Variants in CTNNA2 observed in about 807,000 individuals in gnomAD.
CTNNA2 encodes catenin alpha-2.
CTNNA2 carries 42 observed loss-of-function variants against 101.0 expected under a neutral mutation model. The ratio of observed to expected loss-of-function variants is 0.42; its 90% confidence interval spans 0.32 to 0.54. The LOEUF is 0.54. CTNNA2 is among the 20% of genes least tolerant of loss of function. The probability of loss-of-function intolerance (pLI) is 0.14; values close to 1 mark genes in which losing one functional copy is unlikely to be tolerated. For missense variants in CTNNA2, 871 were observed against 1,223.1 expected, an observed-to-expected ratio of 0.71 and a Z score of 4.29; for synonymous variants, 450 against 456.4, an observed-to-expected ratio of 0.99 and a Z score of 0.18.
At chr2:79,396,828 A>G (rs986877654) in intron 4 of CTNNA2, among the ~76,000 whole-genome samples, 1 of 152,172 alleles carries the variant, frequency 6.6e-6, no homozygotes, top group Non-Finnish European at 1.5e-5. Flanking sequence ...AAAAAATAAC[A>G]ATCTCTTTCC....
chr2:79,244,911 A>G (rs1026375142), intron 2 of CTNNA2, among the ~76,000 whole-genome samples: 1 of 152,038 alleles, frequency 6.6e-6, no homozygotes, highest in Non-Finnish European at 1.5e-5. Context: ...CCTGACCAAC[A>G]TGGTGAAATC....
intron 7 of CTNNA2, among the ~76,000 whole-genome samples, chr2:80,253,796 C>T (rs1010017030): frequency 1.3e-5 from 2 of 152,132 alleles, no homozygotes; most frequent in African/African-American, 4.8e-5. Context: ...ATTCTAGTCC[C>T]AGATCTGCCA....
chr2:80,017,483 T>C (rs1373160370), intron 7 of CTNNA2, among the ~76,000 whole-genome samples: 1 of 151,776 alleles, frequency 6.6e-6, no homozygotes, highest in Non-Finnish European at 1.5e-5. Flanking sequence ...TATGTGTGTA[T>C]ATATATGTAT....
intron 7 of CTNNA2, among the ~76,000 whole-genome samples, chr2:79,918,344 G>T (rs1224749297): frequency 6.6e-6 from 1 of 152,144 alleles, no homozygotes; most frequent in African/African-American, 2.4e-5. Flanking sequence ...GCCTAGACTT[G>T]GGTTTTAAGT....
chr2:79,928,241 T>C (rs1390989751), intron 7 of CTNNA2, among the ~76,000 whole-genome samples: 1 of 152,180 alleles, frequency 6.6e-6, no homozygotes, highest in Non-Finnish European at 1.5e-5. Flanking sequence ...GGTTGTTCTC[T>C]GTCCTATGGC....
chr2:80,003,602 A>G lies in CTNNA2; in HGVS notation c.1056+93805A>G, dbSNP rs531359140. On this transcript the variant is annotated intron_variant, in intron 7 of 18. Transcript: ENST00000402739. ...ATCTGTCCTCACCTCTTAGTTGTCCACAAGTACGTGGAAGTGGTTAGAATT... is the reference window on the plus strand; with the variant it reads ...ATCTGTCCTCACCTCTTAGTTGTCCGCAAGTACGTGGAAGTGGTTAGAATT... 3.9e-5 allele frequency among the ~76,000 whole-genome samples: 6 copies of G among 152,274 alleles called. No homozygotes were observed. In the East Asian group the frequency reaches 1.2e-3, roughly 29 times the overall value.
chr2:80,420,583 A>G (rs988467256), intron 9 of CTNNA2, among the ~76,000 whole-genome samples: 1 of 151,836 alleles, frequency 6.6e-6, no homozygotes, highest in African/African-American at 2.4e-5. Flanking sequence ...TTTCATTTGG[A>G]TGGAAAAATC....
Position 80,249,409 on chromosome 2 carries a change from G to A in CTNNA2, c.1057-143802G>A, listed in dbSNP as rs117094986. 1.2e-4 allele frequency among the ~76,000 whole-genome samples: 18 copies of A among 152,218 alleles called. No individual in the cohort carries two copies. In the East Asian group the frequency reaches 3.5e-3, roughly 29 times the overall value. On this transcript the variant is annotated intron_variant, in intron 7 of 18. Coordinates refer to ENST00000402739, the MANE Select transcript of CTNNA2 (RefSeq NM_001282597.3). ...TGTCCCCAATATTGCTTTGCGAAGGGAGCTCTTAGGGAATGAATCAAAGAC... is the reference window on the plus strand; with the variant it reads ...TGTCCCCAATATTGCTTTGCGAAGGAAGCTCTTAGGGAATGAATCAAAGAC...
At chr2:80,312,022 A>G (rs943411159) in intron 7 of CTNNA2, among the ~76,000 whole-genome samples, 3 of 152,214 alleles carry the variant, frequency 2.0e-5, no homozygotes, top group Admixed American at 1.3e-4. Context: ...CAGTTCTTCT[A>G]CTTGCTATTA....
At chr2:79,318,115 A>T (rs1214821434) in intron 3 of CTNNA2, among the ~76,000 whole-genome samples, 1 of 152,100 alleles carries the variant, frequency 6.6e-6, no homozygotes, top group Non-Finnish European at 1.5e-5. Flanking sequence ...TGTAAAAAAA[A>T]TTCTACCAAA....
chr2:79,878,753 A>G (rs1279241969), intron 6 of CTNNA2, among the ~76,000 whole-genome samples: 2 of 151,754 alleles, frequency 1.3e-5, no homozygotes, highest in African/African-American at 4.8e-5. Flanking sequence ...GATTGTAAAA[A>G]TTTTCTCCCA....
chr2:80,395,301 G>T (rs1266610428), intron 8 of CTNNA2, among the ~76,000 whole-genome samples: 1 of 152,076 alleles, frequency 6.6e-6, no homozygotes, highest in Non-Finnish European at 1.5e-5. Context: ...GAGGAATAAG[G>T]GTAAAAGGAG....
At chr2:79,875,475 A>G (rs182911386) in intron 6 of CTNNA2, among the ~76,000 whole-genome samples, 51 of 152,352 alleles carry the variant, frequency 3.3e-4, no homozygotes, top group African/African-American at 1.2e-3. Flanking sequence ...CTTAATGGTC[A>G]TGAAGAAAGA....
At chr2:80,265,983 G>A (rs1179165128) in intron 7 of CTNNA2, among the ~76,000 whole-genome samples, 3 of 152,168 alleles carry the variant, frequency 2.0e-5, no homozygotes, top group Non-Finnish European at 4.4e-5. Context: ...TGTCGGCAGA[G>A]TTTCTGATTC....
intron 7 of CTNNA2, among the ~76,000 whole-genome samples, chr2:80,243,777 G>A (rs2149094845): frequency 6.6e-6 from 1 of 152,292 alleles, no homozygotes; most frequent in East Asian, 1.9e-4. Flanking sequence ...AAATATGTAG[G>A]AGTAGAATAG....
At chr2:79,215,696 A>C in intron 2 of CTNNA2, among the ~76,000 whole-genome samples, 1 of 152,292 alleles carries the variant, frequency 6.6e-6, no homozygotes, top group African/African-American at 2.4e-5. Flanking sequence ...GGGATTAAAA[A>C]AAGGAGCATT....
chr2:80,380,479 C>A (rs968494271), intron 7 of CTNNA2, among the ~76,000 whole-genome samples: 6 of 152,128 alleles, frequency 3.9e-5, no homozygotes, highest in Non-Finnish European at 7.4e-5. Flanking sequence ...TAAGTCTCTC[C>A]CAAGAAGTTC....
chr2:80,282,821 C>T (rs1674487004), intron 7 of CTNNA2, among the ~76,000 whole-genome samples: 1 of 151,944 alleles, frequency 6.6e-6, no homozygotes, highest in South Asian at 2.1e-4. Context: ...ATGAGTAGAC[C>T]AGTATCCATT....
intron 3 of CTNNA2, among the ~76,000 whole-genome samples, chr2:79,350,546 C>G (rs1677364062): frequency 6.6e-6 from 1 of 152,052 alleles, no homozygotes; most frequent in Non-Finnish European, 1.5e-5. Flanking sequence ...CTGATGGACA[C>G]TTAGGTTGAT....
Sources: gnomAD v4.1 joint callset for allele counts (sites outside exome capture counted in the v4.1 genomes callset) on GRCh38, gnomAD v4.1.1 for gene constraint, MANE v1.5 for transcripts, NCBI Gene and HGNC (gene_info 2026-07-23, HGNC 2026-07-21) for gene names.